Variants in MYO5A observed in about 807,000 individuals in gnomAD.
MYO5A encodes myosin VA, also known as unconventional myosin-Va.
A neutral mutation model predicts 249.7 loss-of-function variants in MYO5A; 98 were observed. That is an observed-to-expected ratio of 0.39 (90% CI 0.33 to 0.46). The LOEUF (loss-of-function observed/expected upper bound fraction) is 0.46. Ranked by LOEUF, MYO5A falls within the 20% of genes least tolerant of loss-of-function variation. The probability of loss-of-function intolerance (pLI) is 0.98; values close to 1 mark genes in which losing one functional copy is unlikely to be tolerated. For synonymous variants in MYO5A, 778 were observed against 810.6 expected, an observed-to-expected ratio of 0.96 and a Z score of 0.68; for missense variants, 1,696 against 2,308.8, an observed-to-expected ratio of 0.73 and a Z score of 5.44.
chr15:52,341,880 C>T (rs1214549122), intron 31 of MYO5A, among the ~76,000 whole-genome samples: 1 of 152,166 alleles, frequency 6.6e-6, no homozygotes, highest in Non-Finnish European at 1.5e-5. Context: ...AAAGGTGCTG[C>T]TGTTTCAATT....
intron 5 of MYO5A, among the ~76,000 whole-genome samples, chr15:52,414,739 A>G (rs1178229483): frequency 2.0e-5 from 3 of 152,224 alleles, no homozygotes; most frequent in Non-Finnish European, 4.4e-5. Context: ...CAAGAAAAGA[A>G]GCCCTGTTGT....
chr15:52,319,603 T>G (rs2038204586), intron 38 of MYO5A, among the ~76,000 whole-genome samples: 1 of 152,124 alleles, frequency 6.6e-6, no homozygotes, highest in Admixed American at 6.5e-5. Flanking sequence ...TGGTAGCGTG[T>G]GCCTGTAATC....
chr15:52,354,145 T>C (rs1257275795), intron 25 of MYO5A, 131 bp from the exon 26 acceptor site: 35 of 1,096,756 alleles, frequency 3.2e-5, no homozygotes, highest in Admixed American at 1.0e-4. Context: ...CTAGAGAATA[T>C]ATTTTTAAAA....
At chr15:52,395,614 G>A (rs1037748348) in intron 11 of MYO5A, among the ~76,000 whole-genome samples, 3 of 152,062 alleles carry the variant, frequency 2.0e-5, no homozygotes, top group Admixed American at 2.0e-4. Flanking sequence ...CACACAGAAG[G>A]TACTATTATT....
At chr15:52,425,326 T>C (rs1316774873) in intron 4 of MYO5A, among the ~76,000 whole-genome samples, 3 of 151,870 alleles carry the variant, frequency 2.0e-5, no homozygotes, top group East Asian at 3.9e-4. Flanking sequence ...AAAAACTCTA[T>C]GTCCCTTTAT....
intron 2 of MYO5A, 55 bp from the exon 3 acceptor site, chr15:52,428,624 A>T: frequency 6.3e-7 from 1 of 1,583,098 alleles, no homozygotes; most frequent in Non-Finnish European, 8.7e-7. Context: ...ACTGTGAAAG[A>T]GGCCCATGCA....
chr15:52,457,107 GCAAAA>G (rs200585645), intron 1 of MYO5A, among the ~76,000 whole-genome samples: 4,760 of 152,044 alleles, frequency 0.031, 104 homozygotes, highest in South Asian at 0.066. Context: ...CAATTCAACA[GCAAAA>G]CAAAACAAAA....
At chr15:52,362,875 C>CTCAG (rs1386567665) in intron 24 of MYO5A, among the ~76,000 whole-genome samples, 4 of 152,198 alleles carry the variant, frequency 2.6e-5, no homozygotes, top group African/African-American at 9.7e-5. Flanking sequence ...CTGGAATATG[C>CTCAG]TCAGAGAGGG....
chr15:52,398,636 C>T (rs921029116), intron 9 of MYO5A, among the ~76,000 whole-genome samples: 10 of 152,188 alleles, frequency 6.6e-5, no homozygotes, highest in African/African-American at 2.4e-4. Context: ...CCACTGCCTG[C>T]TCAACTCCCT....
At chr15:52,431,904 G>C (rs1191783643) in intron 2 of MYO5A, among the ~76,000 whole-genome samples, 2 of 151,714 alleles carry the variant, frequency 1.3e-5, no homozygotes, top group Non-Finnish European at 2.9e-5. Flanking sequence ...AGCCTGGGAG[G>C]CATGATCAAG....
At chr15:52,431,535 G>A (rs1450076349) in intron 2 of MYO5A, among the ~76,000 whole-genome samples, 1 of 151,942 alleles carries the variant, frequency 6.6e-6, no homozygotes, top group East Asian at 1.9e-4. Context: ...TGCTAAGAGG[G>A]CTGAGAAGTG....
At chr15:52,480,600 C>T (rs1595762950) in intron 1 of MYO5A, among the ~76,000 whole-genome samples, 1 of 152,180 alleles carries the variant, frequency 6.6e-6, no homozygotes, top group South Asian at 2.1e-4. Flanking sequence ...AAAAGTTGCA[C>T]AGCTGCACAA....
intron 9 of MYO5A, among the ~76,000 whole-genome samples, chr15:52,399,647 CTTT>C (rs971135230): frequency 2.0e-4 from 30 of 151,846 alleles, no homozygotes; most frequent in African/African-American, 7.2e-4. Flanking sequence ...ATACCTGAAA[CTTT>C]TTTTTCTTTT....
At chr15:52,502,561 A>G (rs2077181497) in intron 1 of MYO5A, among the ~76,000 whole-genome samples, 1 of 152,226 alleles carries the variant, frequency 6.6e-6, no homozygotes, top group Non-Finnish European at 1.5e-5. Flanking sequence ...ACCTCTGACC[A>G]TACCACATCT....
intron 1 of MYO5A, among the ~76,000 whole-genome samples, chr15:52,483,794 G>C (rs912924390): frequency 3.9e-5 from 6 of 152,204 alleles, no homozygotes; most frequent in Admixed American, 1.3e-4. Flanking sequence ...CCTTATGACA[G>C]CCCTAATTGT....
chr15:52,341,149 C>G (rs1333778366), intron 31 of MYO5A, among the ~76,000 whole-genome samples: 1 of 152,174 alleles, frequency 6.6e-6, no homozygotes, highest in African/African-American at 2.4e-5. Flanking sequence ...AATGTGCCTT[C>G]AGAACTACAG....
At chr15:52,459,469 A>G (rs1178757804) in intron 1 of MYO5A, among the ~76,000 whole-genome samples, 2 of 152,100 alleles carry the variant, frequency 1.3e-5, no homozygotes, top group Non-Finnish European at 2.9e-5. Context: ...CATGTTTCAG[A>G]GAGCACGGGG....
chr15:52,362,982 G>A (rs1224017063), intron 24 of MYO5A, among the ~76,000 whole-genome samples: 1 of 152,184 alleles, frequency 6.6e-6, no homozygotes, highest in East Asian at 1.9e-4. Context: ...AAAGACATTT[G>A]TTTATCTCTG....
chr15:52,484,733 C>T (rs988371431), intron 1 of MYO5A, among the ~76,000 whole-genome samples: 2 of 152,152 alleles, frequency 1.3e-5, no homozygotes, highest in African/African-American at 4.8e-5. Context: ...CAACCTCTAC[C>T]TCCCAGGTTC....
Sources: gnomAD v4.1 joint callset for allele counts (sites outside exome capture counted in the v4.1 genomes callset) on GRCh38, gnomAD v4.1.1 for gene constraint, MANE v1.5 for transcripts, NCBI Gene and HGNC (gene_info 2026-07-23, HGNC 2026-07-21) for gene names.